Variants in KNL1 observed in about 807,000 individuals in gnomAD.
KNL1 encodes the protein kinetochore scaffold 1.
KNL1 carries 66 observed loss-of-function variants against 201.3 expected under a neutral mutation model. The observed-to-expected ratio is 0.33, with a 90% CI of 0.27 to 0.40. The LOEUF is 0.40. Among genes scored for constraint, KNL1 ranks in the 10% least tolerant of loss-of-function variants. The pLI, the probability that KNL1 is intolerant of heterozygous loss-of-function variation, is 1.00. For missense variants in KNL1, 2,815 were observed against 2,690.5 expected (o/e 1.05, Z -1.02); for synonymous variants, 895 against 899.2 (o/e 1.00, Z 0.08).
intron 21 of KNL1, among the ~76,000 whole-genome samples, chr15:40,652,760 CA>C (rs3986318): frequency 1.4e-3 from 159 of 116,778 alleles, no homozygotes; most frequent in Middle Eastern, 8.5e-3. Context: ...AAAACTGTCT[CA>C]AAAAAAAAAA....
Position 40,623,424 on chromosome 15 carries a change from C to T in KNL1, c.3160C>T (p.Leu1054=). Residue 1054 remains leucine (L), a synonymous_variant, in exon 10 of 26, where the codon CTG becomes TTG. Coordinates refer to ENST00000399668, the MANE Select transcript of KNL1 (RefSeq NM_144508.5). The stretch of plus-strand genomic sequence containing the variant: ...CAAAGATGTACAAAGTCCTGGATTT[C>T]TGAATGAACCTCTATCAAGCAAAAG... ...NIKDVQSPGF[L]NEPLSSKSQR... The T allele has an allele frequency of 6.2e-7, 1 of 1,613,388 alleles. No homozygotes were observed. Among genetic ancestry groups the T allele is most frequent in the Non-Finnish European group, 8.5e-7 (1 of 1,179,784 alleles).
chr15:40,642,519 A>T (rs539256741), intron 14 of KNL1, among the ~76,000 whole-genome samples: 2 of 152,324 alleles, frequency 1.3e-5, no homozygotes, highest in African/African-American at 4.8e-5. Context: ...CAGGTACTAT[A>T]CTATGCACTG....
Position 40,623,651 on chromosome 15 carries a change from T to C in KNL1, c.3387T>C (p.Thr1129=). Residue 1129 remains threonine (T), a synonymous_variant, in exon 10 of 26, where the codon ACT becomes ACC. Transcript: ENST00000399668. The part of the protein sequence containing the change: ...YSCGQDDMEI[T]RSHTTALECK... ...GTGGGCAGGATGACATGGAGATCAC[T>C]AGGAGTCACACAACTGCCTTAGAAT... 6.2e-7 allele frequency: 1 copy of C among 1,613,826 alleles called. No homozygotes were observed. Among genetic ancestry groups the C allele is most frequent in the Non-Finnish European group, 8.5e-7 (1 of 1,179,866 alleles).
At position 40,664,223 on chromosome 15, in the gene KNL1, A is replaced by G. The variant is rs1401973698; in HGVS notation, c.*2035A>G. 19 of 179,752 alleles carry G rather than the reference A, an allele frequency of 1.1e-4. No homozygotes were observed. In the East Asian group the frequency reaches 1.7e-3, roughly 16 times the overall value. The allele number at this position is 179,752 out of a possible 1,614,324, so 11.1% of individuals were successfully genotyped here. Reference sequence around the variant, plus strand: ...ACACAATTGTAATATTTACTTAGTTATTTGTGTTTTTCTTTGTTCAAGGTA... The same window carrying G: ...ACACAATTGTAATATTTACTTAGTTGTTTGTGTTTTTCTTTGTTCAAGGTA... On this transcript the variant is annotated 3_prime_UTR_variant, in exon 26 of 26. Coordinates refer to ENST00000399668, the MANE Select transcript of KNL1 (RefSeq NM_144508.5).
chr15:40,626,262 C>T (rs1892749906), intron 10 of KNL1, among the ~76,000 whole-genome samples: 1 of 151,752 alleles, frequency 6.6e-6, no homozygotes, highest in African/African-American at 2.4e-5. Context: ...AAGTGATTCT[C>T]CTGCCTCAGC....
At position 40,621,398 on chromosome 15, in the gene KNL1, C is replaced by T. The variant is rs780088019; in HGVS notation, c.1134C>T (p.Asn378=). 26 of 1,612,202 alleles carry T rather than the reference C, an allele frequency of 1.6e-5. No homozygotes were observed. The South Asian group carries it at 2.7e-4, about 17-fold the overall frequency. ...QNTAFQDLSI[N]SADKIHITRS... is the part of the protein sequence containing the mutation. ...CTGCTTTTCAAGACCTTTCCATAAACTCTGCAGACAAAATACATATTACCA... is the reference window on the plus strand; with the variant it reads ...CTGCTTTTCAAGACCTTTCCATAAATTCTGCAGACAAAATACATATTACCA... The change falls in exon 10 of 26, where the codon AAC becomes AAT. Residue 378 remains asparagine, a synonymous_variant. Transcript: ENST00000399668.
At chr15:40,603,265 A>T (rs992444741) in intron 2 of KNL1, among the ~76,000 whole-genome samples, 9 of 152,086 alleles carry the variant, frequency 5.9e-5, no homozygotes, top group Admixed American at 5.2e-4. Flanking sequence ...GGCCCCGGTG[A>T]GTGATGTTCC....
At position 40,646,981 on chromosome 15, in the gene KNL1, A is replaced by G. The variant is rs371735396; in HGVS notation, c.6007-6A>G. 1.6e-6 allele frequency: 2 copies of G among 1,239,268 alleles called. No homozygotes were observed. The highest frequency in any genetic ancestry group is 3.0e-5 in the African/African-American group (2 of 67,166). 76.8% of individuals were successfully genotyped at this position (1,239,268 alleles called of 1,614,324 possible). On this transcript the variant is annotated splice_polypyrimidine_tract_variant and splice_region_variant and intron_variant, in intron 16 of 25. Transcript: ENST00000399668. ...AACTTGACAGTCTATAATCTTTTGTATTTAGAATGAGAGGGAGAAACTTCA... is the reference window on the plus strand; with the variant it reads ...AACTTGACAGTCTATAATCTTTTGTGTTTAGAATGAGAGGGAGAAACTTCA...
chr15:40,614,705 T>C (rs975157497), intron 7 of KNL1, among the ~76,000 whole-genome samples: 4 of 152,234 alleles, frequency 2.6e-5, no homozygotes, highest in Non-Finnish European at 4.4e-5. Flanking sequence ...TTCTATGTTA[T>C]TACATAAAGA....
At chr15:40,601,317 T>C (rs1891784933) in intron 1 of KNL1, among the ~76,000 whole-genome samples, 3 of 152,144 alleles carry the variant, frequency 2.0e-5, no homozygotes, top group Admixed American at 2.0e-4. Context: ...AAAATAGTCT[T>C]CCCTAAAACT....
chr15:40,608,433 GAAAAAAAAA>G (rs1240921260), intron 4 of KNL1, among the ~76,000 whole-genome samples: 2 of 80,982 alleles, frequency 2.5e-5, no homozygotes, highest in African/African-American at 8.9e-5. Flanking sequence ...AACCGTCTTG[GAAAAAAAAA>G]AAAAAAAAAA....
At chr15:40,594,706 C>T (rs568593472) in intron 1 of KNL1, among the ~76,000 whole-genome samples, 2 of 152,314 alleles carry the variant, frequency 1.3e-5, no homozygotes, top group Admixed American at 6.5e-5. Context: ...CTGCCGTCCT[C>T]TGTCAGGGCT....
chr15:40,616,602 G>A (rs971295702), intron 8 of KNL1, among the ~76,000 whole-genome samples: 6 of 152,100 alleles, frequency 3.9e-5, no homozygotes, highest in East Asian at 3.8e-4. Flanking sequence ...CTTGAAAATC[G>A]TTACCTATTC....
chr15:40,633,547 T>A (rs1401126852), intron 13 of KNL1, among the ~76,000 whole-genome samples: 3 of 152,106 alleles, frequency 2.0e-5, no homozygotes. Flanking sequence ...TACTCTTTAT[T>A]GTTATTTTAT....
intron 15 of KNL1, among the ~76,000 whole-genome samples, chr15:40,645,426 G>A (rs1263808735): frequency 3.3e-5 from 5 of 152,222 alleles, no homozygotes; most frequent in Middle Eastern, 3.4e-3. Flanking sequence ...ATATTAAAAA[G>A]TTTCATTAAC....
At chr15:40,644,915 G>C in intron 14 of KNL1, 82 bp from the exon 15 acceptor site, 2 of 791,986 alleles carry the variant, frequency 2.5e-6, no homozygotes, top group Non-Finnish European at 4.1e-6. Context: ...AGTCTCTTAC[G>C]TCTTTCCTTT....
chr15:40,645,306 T>TAAAC (rs1893352666), intron 15 of KNL1, among the ~76,000 whole-genome samples: 1 of 152,196 alleles, frequency 6.6e-6, no homozygotes, highest in Non-Finnish European at 1.5e-5. Flanking sequence ...ATAGTTGAAG[T>TAAAC]TTATTTAGAG....
At chr15:40,612,739 G>A (rs1892211748) in intron 7 of KNL1, among the ~76,000 whole-genome samples, 2 of 151,872 alleles carry the variant, frequency 1.3e-5, no homozygotes, top group Admixed American at 1.3e-4. Context: ...GAATTGTCTT[G>A]GTCTCTTGAC....
chr15:40,659,307 G>A lies in KNL1; in HGVS notation c.6714-32G>A, dbSNP rs749466702. 3.9e-6 allele frequency: 6 copies of A among 1,550,526 alleles called. No individual in the cohort carries two copies. In the East Asian group the frequency reaches 1.2e-4, roughly 30 times the overall value. On this transcript the variant is annotated intron_variant, in intron 24 of 25. Coordinates refer to ENST00000399668, the MANE Select transcript of KNL1 (RefSeq NM_144508.5). Reference sequence around the variant, plus strand: ...ATTGTGTTTCATGCTATTATTTGTTGCATTTTTAATTGTGGATCTTGTCTT... The same window carrying A: ...ATTGTGTTTCATGCTATTATTTGTTACATTTTTAATTGTGGATCTTGTCTT...
Sources: gnomAD v4.1 joint callset for allele counts (sites outside exome capture counted in the v4.1 genomes callset) on GRCh38, gnomAD v4.1.1 for gene constraint, MANE v1.5 for transcripts, NCBI Gene and HGNC (gene_info 2026-07-23, HGNC 2026-07-21) for gene names.